Variants in HEMK2 observed in about 807,000 individuals in gnomAD.
HEMK2 encodes the protein methyltransferase HEMK2.
At chr21:28,645,483 T>C in the HEMK2 span, among the ~76,000 whole-genome samples, 1 of 151,706 alleles carries the variant, frequency 6.6e-6, no homozygotes, top group East Asian at 1.9e-4. Flanking sequence ...TGACACAAAT[T>C]CCAAAGGAAA....
the HEMK2 span, among the ~76,000 whole-genome samples, chr21:28,659,996 G>T: frequency 6.6e-6 from 1 of 151,962 alleles, no homozygotes; most frequent in South Asian, 2.1e-4. Flanking sequence ...TCTCAATAAT[G>T]TGTTGTAGTT....
the HEMK2 span, among the ~76,000 whole-genome samples, chr21:28,825,021 C>T: frequency 6.6e-6 from 1 of 152,152 alleles, no homozygotes; most frequent in Non-Finnish European, 1.5e-5. Flanking sequence ...ATAAACACTG[C>T]TTTGAAGATC....
chr21:28,859,159 A>AT, the HEMK2 span, among the ~76,000 whole-genome samples: 1 of 152,230 alleles, frequency 6.6e-6, no homozygotes. Flanking sequence ...CACTCAGGAC[A>AT]TACCTGGTGT....
chr21:28,710,595 A>G, the HEMK2 span, among the ~76,000 whole-genome samples: 1 of 152,204 alleles, frequency 6.6e-6, no homozygotes, highest in Non-Finnish European at 1.5e-5. Flanking sequence ...AAAACATTAA[A>G]TCCTCCACAA....
the HEMK2 span, among the ~76,000 whole-genome samples, chr21:28,630,398 A>G: frequency 6.6e-6 from 1 of 152,324 alleles, no homozygotes; most frequent in South Asian, 2.1e-4. Context: ...AGAACTAGAA[A>G]TACCATTTGA....
the HEMK2 span, among the ~76,000 whole-genome samples, chr21:28,677,174 C>T: frequency 6.6e-6 from 1 of 152,178 alleles, no homozygotes; most frequent in Non-Finnish European, 1.5e-5. Flanking sequence ...CAGACAGCAC[C>T]TGGAAAATCG....
chr21:28,699,163 T>C, the HEMK2 span, among the ~76,000 whole-genome samples: 1 of 152,216 alleles, frequency 6.6e-6, no homozygotes, highest in Non-Finnish European at 1.5e-5. Flanking sequence ...AAACTATGCT[T>C]TTTAGTTAAA....
At chr21:28,636,819 G>C in the HEMK2 span, among the ~76,000 whole-genome samples, 8 of 152,186 alleles carry the variant, frequency 5.3e-5, no homozygotes, top group African/African-American at 1.9e-4. Flanking sequence ...TCAGGGCAGA[G>C]AGTACGACTC....
chr21:28,662,228 A>G, the HEMK2 span, among the ~76,000 whole-genome samples: 1 of 152,258 alleles, frequency 6.6e-6, no homozygotes, highest in African/African-American at 2.4e-5. Context: ...TGTACACTAC[A>G]AGCTGTATTC....
chr21:28,619,630 A>G, the HEMK2 span, among the ~76,000 whole-genome samples: 5 of 152,166 alleles, frequency 3.3e-5, no homozygotes, highest in South Asian at 4.1e-4. Flanking sequence ...CTTCTTTAAC[A>G]TACCTTCTTT....
the HEMK2 span, among the ~76,000 whole-genome samples, chr21:28,788,207 TACGTATATATGTATATATAC>T: frequency 7.8e-6 from 1 of 128,910 alleles, no homozygotes; most frequent in African/African-American, 3.8e-5. Flanking sequence ...TACGTATATA[TACGTATATATGTATATATAC>T]ACGTATATAC....
the HEMK2 span, among the ~76,000 whole-genome samples, chr21:28,706,743 T>G: frequency 6.6e-6 from 1 of 151,788 alleles, no homozygotes; most frequent in East Asian, 1.9e-4. Context: ...AAAATTATTA[T>G]TTGGAGGCTA....
the HEMK2 span, among the ~76,000 whole-genome samples, chr21:28,669,235 T>A: frequency 6.6e-6 from 1 of 152,116 alleles, no homozygotes; most frequent in Non-Finnish European, 1.5e-5. Flanking sequence ...GGTACACATA[T>A]GTAATCCTAG....
At chr21:28,740,252 T>C in the HEMK2 span, among the ~76,000 whole-genome samples, 1 of 152,258 alleles carries the variant, frequency 6.6e-6, no homozygotes, top group Non-Finnish European at 1.5e-5. Flanking sequence ...CAGGTTTCTC[T>C]ATTTACTTTT....
At chr21:28,878,168 A>G in the HEMK2 span, 1 of 1,510,092 alleles carries the variant, frequency 6.6e-7, no homozygotes, top group Admixed American at 2.4e-5. Flanking sequence ...ATAAATGCTT[A>G]AACAATAAAT....
the HEMK2 span, among the ~76,000 whole-genome samples, chr21:28,729,421 T>C: frequency 6.6e-6 from 1 of 152,082 alleles, no homozygotes; most frequent in Non-Finnish European, 1.5e-5. Context: ...CCAAGTCCTA[T>C]AGCAGTGCCT....
chr21:28,854,589 G>A, the HEMK2 span, among the ~76,000 whole-genome samples: 663 of 152,150 alleles, frequency 4.4e-3, 3 homozygotes, highest in African/African-American at 0.015. Flanking sequence ...CCCACAATAC[G>A]CCATCTGCAG....
chr21:28,620,718 TGCTA>T, the HEMK2 span, among the ~76,000 whole-genome samples: 1 of 129,932 alleles, frequency 7.7e-6, no homozygotes. Context: ...CTGCCACCCA[TGCTA>T]GAGTGCAGTG....
At chr21:28,862,299 C>A in the HEMK2 span, among the ~76,000 whole-genome samples, 2 of 152,152 alleles carry the variant, frequency 1.3e-5, no homozygotes, top group African/African-American at 4.8e-5. Context: ...AAACCACGAC[C>A]TGCTGAGATG....
Sources: gnomAD v4.1 joint callset for allele counts (sites outside exome capture counted in the v4.1 genomes callset) on GRCh38, gnomAD v4.1.1 for gene constraint, MANE v1.5 for transcripts, NCBI Gene and HGNC (gene_info 2026-07-23, HGNC 2026-07-21) for gene names.